NTM: variants seen among roughly 807,000 people sequenced by gnomAD.
The protein encoded by NTM is neurotrimin.
In NTM, 13 loss-of-function variants were observed where a neutral mutation model predicts 42.1. The observed-to-expected ratio is 0.31, with a 90% CI of 0.20 to 0.49. The LOEUF is 0.49. Among genes scored for constraint, NTM ranks in the 20% least tolerant of loss-of-function variants. NTM has a pLI of 0.99. For missense variants in NTM, 373 were observed against 452.8 expected (o/e 0.82, Z 1.60); for synonymous variants, 187 against 179.2 (o/e 1.04, Z -0.35).
intron 2 of NTM, among the ~76,000 whole-genome samples, chr11:131,987,779 T>C (rs2066324714): frequency 6.6e-6 from 1 of 152,230 alleles, no homozygotes; most frequent in Non-Finnish European, 1.5e-5. Context: ...AACACTCAAA[T>C]GTGTGGCTTT....
Position 131,893,012 on chromosome 11 carries a change from T to C in NTM, c.83-18552T>C, listed in dbSNP as rs11826126. Among the ~76,000 whole-genome samples the C allele has an allele frequency of 3.0e-3, 451 of 152,318 alleles. 2 individuals carry two copies. The highest frequency in any genetic ancestry group is 0.01 in the African/African-American group (434 of 41,578). On this transcript the variant is annotated intron_variant, in intron 1 of 8. Transcript: ENST00000683400. ...AGTCACTTTGGACTTTGAGCTCTTGTTGGGGGATTCTACCTTGTCTGGAAG... is the reference window on the plus strand; with the variant it reads ...AGTCACTTTGGACTTTGAGCTCTTGCTGGGGGATTCTACCTTGTCTGGAAG...
intron 1 of NTM, among the ~76,000 whole-genome samples, chr11:131,626,454 G>T (rs574750792): frequency 2.0e-4 from 31 of 152,280 alleles, no homozygotes; most frequent in Admixed American, 1.2e-3. Flanking sequence ...CATAGTAGTT[G>T]CTGATTCACA....
At chr11:131,667,114 C>A (rs954668840) in intron 1 of NTM, among the ~76,000 whole-genome samples, 1 of 152,184 alleles carries the variant, frequency 6.6e-6, no homozygotes. Context: ...CTTATTGGAT[C>A]TTGCCATCCC....
At chr11:131,598,544 G>T (rs2060009080) in intron 1 of NTM, among the ~76,000 whole-genome samples, 1 of 152,016 alleles carries the variant, frequency 6.6e-6, no homozygotes, top group Non-Finnish European at 1.5e-5. Context: ...GTGCACTCGG[G>T]GCGGAGAGCT....
intron 1 of NTM, among the ~76,000 whole-genome samples, chr11:131,854,410 G>A (rs1425851762): frequency 6.6e-6 from 1 of 152,238 alleles, no homozygotes; most frequent in African/African-American, 2.4e-5. Flanking sequence ...CAGGATAGCT[G>A]GGGAATTCGC....
intron 1 of NTM, among the ~76,000 whole-genome samples, chr11:131,528,070 T>A (rs382169): frequency 0.42 from 63,756 of 152,054 alleles, 13,706 homozygotes; most frequent in African/African-American, 0.52. Context: ...CAAATTTTTT[T>A]AAAAAATCTA....
intron 1 of NTM, among the ~76,000 whole-genome samples, chr11:131,548,581 G>A (rs982478085): frequency 3.9e-5 from 6 of 152,120 alleles, no homozygotes; most frequent in African/African-American, 1.4e-4. Context: ...GATTCCCACT[G>A]GAATGGATAG....
intron 2 of NTM, among the ~76,000 whole-genome samples, chr11:132,032,619 CA>C (rs1214474302): frequency 6.6e-6 from 1 of 152,144 alleles, no homozygotes; most frequent in African/African-American, 2.4e-5. Context: ...TCATACTCAC[CA>C]ATCCCTACTC....
chr11:131,816,139 A>G (rs1487372935), intron 1 of NTM, among the ~76,000 whole-genome samples: 1 of 152,208 alleles, frequency 6.6e-6, no homozygotes, highest in Non-Finnish European at 1.5e-5. Flanking sequence ...GTAACGACCA[A>G]GGCTAAATCC....
chr11:131,736,181 A>G (rs1003286043), intron 1 of NTM, among the ~76,000 whole-genome samples: 1 of 152,138 alleles, frequency 6.6e-6, no homozygotes, highest in Admixed American at 6.6e-5. Context: ...TGACTTGTCC[A>G]AAGTCACCTG....
intron 1 of NTM, among the ~76,000 whole-genome samples, chr11:131,526,894 C>T (rs1308542211): frequency 1.3e-5 from 2 of 152,208 alleles, no homozygotes; most frequent in African/African-American, 4.8e-5. Flanking sequence ...TCTCTCCATA[C>T]ACAAATGGAA....
intron 1 of NTM, among the ~76,000 whole-genome samples, chr11:131,873,573 ACATATATATATAC>A (rs2048048747): frequency 1.8e-5 from 1 of 54,986 alleles, no homozygotes; most frequent in African/African-American, 5.5e-5. Flanking sequence ...GTATATATAT[ACATATATATATAC>A]CGTATATATA....
intron 3 of NTM, among the ~76,000 whole-genome samples, chr11:132,190,623 G>A (rs964168205): frequency 3.3e-5 from 5 of 151,884 alleles, no homozygotes; most frequent in African/African-American, 1.2e-4. Flanking sequence ...TATAATCCCA[G>A]CTACTCAGGA....
intron 1 of NTM, among the ~76,000 whole-genome samples, chr11:131,709,299 G>A (rs952162258): frequency 2.6e-5 from 4 of 152,146 alleles, no homozygotes; most frequent in South Asian, 2.1e-4. Context: ...AGAATGACAC[G>A]AAATAACTCA....
At chr11:131,601,097 T>A (rs138535961) in intron 1 of NTM, among the ~76,000 whole-genome samples, 1 of 152,128 alleles carries the variant, frequency 6.6e-6, no homozygotes, top group African/African-American at 2.4e-5. Flanking sequence ...AATTCTCCTA[T>A]AAGTTGGGTA....
At chr11:131,460,439 AATG>A (rs1381780759) in intron 1 of NTM, among the ~76,000 whole-genome samples, 6 of 152,330 alleles carry the variant, frequency 3.9e-5, no homozygotes, top group Admixed American at 2.0e-4. Context: ...TGACAACAAT[AATG>A]ATGATGATGA....
intron 1 of NTM, among the ~76,000 whole-genome samples, chr11:131,616,197 G>A (rs1427259574): frequency 6.6e-6 from 1 of 152,194 alleles, no homozygotes; most frequent in Non-Finnish European, 1.5e-5. Flanking sequence ...AGGACAAATT[G>A]CATCCTCTGC....
At chr11:131,806,329 C>T (rs2092478636) in intron 1 of NTM, among the ~76,000 whole-genome samples, 1 of 152,132 alleles carries the variant, frequency 6.6e-6, no homozygotes, top group Non-Finnish European at 1.5e-5. Context: ...GCTCTCTGGA[C>T]TTCAGTTTTT....
chr11:131,747,962 C>T (rs1170171802), intron 1 of NTM, among the ~76,000 whole-genome samples: 7 of 152,194 alleles, frequency 4.6e-5, no homozygotes, highest in Admixed American at 1.3e-4. Flanking sequence ...CTGTACTCGC[C>T]GGGCACCACA....
Sources: gnomAD v4.1 joint callset for allele counts (sites outside exome capture counted in the v4.1 genomes callset) on GRCh38, gnomAD v4.1.1 for gene constraint, MANE v1.5 for transcripts, NCBI Gene and HGNC (gene_info 2026-07-23, HGNC 2026-07-21) for gene names.